DCT: variants seen among roughly 807,000 people sequenced by gnomAD.
The protein encoded by DCT is dopachrome tautomerase, also known as L-dopachrome tautomerase.
DCT carries 47 observed loss-of-function variants against 53.0 expected under a neutral mutation model. That is an observed-to-expected ratio of 0.89 (90% CI 0.70 to 1.13). The LOEUF (loss-of-function observed/expected upper bound fraction) is 1.13. Among genes scored for constraint, DCT ranks in the 50% most tolerant of loss-of-function variants. The pLI is 0.00. For missense variants in DCT, 669 were observed against 637.4 expected (o/e 1.05, Z -0.53); for synonymous variants, 244 against 237.0 (o/e 1.03, Z -0.27).
chr13:94,450,303 C>A (rs1339615441), intron 6 of DCT, among the ~76,000 whole-genome samples: 1 of 152,060 alleles, frequency 6.6e-6, no homozygotes, highest in Non-Finnish European at 1.5e-5. Context: ...GACTAGGACA[C>A]AACCACGGAA....
At chr13:94,476,469 CTTTTTTTTTTT>C (rs57154236) in intron 1 of DCT, among the ~76,000 whole-genome samples, 1 of 111,054 alleles carries the variant, frequency 9.0e-6, no homozygotes, top group African/African-American at 3.5e-5. Flanking sequence ...TTGGCACTTT[CTTTTTTTTTTT>C]TTTTTTTTTC....
the DCT span, among the ~76,000 whole-genome samples, chr13:94,532,428 T>C: frequency 2.0e-5 from 3 of 152,126 alleles, no homozygotes; most frequent in Non-Finnish European, 4.4e-5. Context: ...AAATGTGGCA[T>C]GTATACACCA....
intron 6 of DCT, among the ~76,000 whole-genome samples, chr13:94,446,532 A>G (rs1301830293): frequency 6.6e-6 from 1 of 152,212 alleles, no homozygotes; most frequent in Non-Finnish European, 1.5e-5. Context: ...AAAATGACAT[A>G]TTGAATCCTC....
intron 4 of DCT, among the ~76,000 whole-genome samples, chr13:94,463,004 A>C (rs542119647): frequency 6.6e-6 from 1 of 152,364 alleles, no homozygotes; most frequent in South Asian, 2.1e-4. Context: ...GTTCCAAGGT[A>C]GTAGAGTATC....
chr13:94,472,560 ATATATATATTTTTTTTTTTTTTTTTTTT>A (rs1566855393), intron 1 of DCT, among the ~76,000 whole-genome samples: 41 of 20,270 alleles, frequency 2.0e-3, no homozygotes, highest in Non-Finnish European at 2.6e-3. Flanking sequence ...ATATATATAT[ATATATATATTTTTTTTTTTTTTTTTTTT>A]TTTTTTTTTT....
At chr13:94,469,934 G>A (rs983190693) in intron 1 of DCT, among the ~76,000 whole-genome samples, 2 of 152,062 alleles carry the variant, frequency 1.3e-5, no homozygotes, top group East Asian at 1.9e-4. Flanking sequence ...AATTAGCGGG[G>A]CGTGGTGGTA....
chr13:94,441,161 G>T (rs1882282884), intron 7 of DCT, among the ~76,000 whole-genome samples: 1 of 152,090 alleles, frequency 6.6e-6, no homozygotes, highest in Admixed American at 6.5e-5. Flanking sequence ...GACCTGTCCT[G>T]ATGGGATTCC....
At chr13:94,500,433 A>G in the DCT span, among the ~76,000 whole-genome samples, 1 of 152,196 alleles carries the variant, frequency 6.6e-6, no homozygotes, top group African/African-American at 2.4e-5. Flanking sequence ...CCATGATTCA[A>G]TTATCTCCCA....
chr13:94,548,941 TTCTAAGTAGTTC>T, the DCT span, among the ~76,000 whole-genome samples: 2 of 151,418 alleles, frequency 1.3e-5, no homozygotes, highest in African/African-American at 4.8e-5. Context: ...GAATGTGCAT[TTCTAAGTAGTTC>T]TCAGGCGGTG....
At chr13:94,455,794 G>C (rs1883375802) in intron 6 of DCT, among the ~76,000 whole-genome samples, 1 of 152,198 alleles carries the variant, frequency 6.6e-6, no homozygotes, top group South Asian at 2.1e-4. Flanking sequence ...AGGAGAGAAA[G>C]AGTTGGGGTA....
the DCT span, among the ~76,000 whole-genome samples, chr13:94,510,903 C>T: frequency 6.6e-6 from 1 of 152,190 alleles, no homozygotes; most frequent in Non-Finnish European, 1.5e-5. Flanking sequence ...TTCCACTTCT[C>T]CACATCTTCC....
In DCT at chr13:94,479,075, A is replaced by G. The variant is rs372659354; in HGVS notation, c.181T>C (p.Cys61Arg). The change falls in exon 1 of 8, where the codon TGC becomes CGC. Residue 61 changes from cysteine (C) to arginine (R), a missense_variant. Physicochemically the swap from Cys to Arg is radical, Grantham distance 180 (BLOSUM62 -3). Transcript: ENST00000377028. ...VCGSQQGRGQCTEVRADTRPW... is the reference protein window; with the variant it reads ...VCGSQQGRGQRTEVRADTRPW... ...CTTGTGTCGGCTCGCACCTCTGTGCACTGCCCCCGGCCTTGCTGAGAGCCA... is the reference window on the plus strand; with the variant it reads ...CTTGTGTCGGCTCGCACCTCTGTGCGCTGCCCCCGGCCTTGCTGAGAGCCA... 1.3e-5 allele frequency: 21 copies of G among 1,614,254 alleles called. No homozygotes were observed. Among genetic ancestry groups the G allele is most frequent in the Middle Eastern group, 3.3e-4 (2 of 6,060 alleles).
intron 4 of DCT, 149 bp downstream of exon 4, chr13:94,465,484 C>T: frequency 3.7e-6 from 2 of 547,746 alleles, no homozygotes; most frequent in Non-Finnish European, 5.7e-6. Context: ...TTTTTGAAAT[C>T]CCACCTCCCA....
chr13:94,522,327 C>T, the DCT span, among the ~76,000 whole-genome samples: 5 of 152,140 alleles, frequency 3.3e-5, no homozygotes, highest in Non-Finnish European at 1.5e-5. Context: ...CTGACCTAGC[C>T]TCCCAGCCTA....
At chr13:94,501,906 C>T in the DCT span, among the ~76,000 whole-genome samples, 99 of 152,282 alleles carry the variant, frequency 6.5e-4, no homozygotes, top group South Asian at 0.014. Context: ...GCCCAAAGTT[C>T]GCTATCTTGT....
chr13:94,516,076 C>T, the DCT span, among the ~76,000 whole-genome samples: 2 of 138,252 alleles, frequency 1.4e-5, no homozygotes, highest in African/African-American at 2.7e-5. Context: ...AGGAGCTCCT[C>T]ACCTCTTATG....
At chr13:94,504,491 C>T in the DCT span, among the ~76,000 whole-genome samples, 2 of 152,284 alleles carry the variant, frequency 1.3e-5, no homozygotes, top group East Asian at 3.9e-4. Context: ...CCTCAGCCTC[C>T]TGAGTAGCTG....
At position 94,437,637 on chromosome 13, in the gene DCT, C is replaced by T. The variant is rs529106243; in HGVS notation, c.*2261G>A. 10 of 152,140 alleles carry T rather than the reference C, an allele frequency of 6.6e-5. No homozygotes were observed. The highest frequency in any genetic ancestry group is 2.1e-4 in the South Asian group (1 of 4,818). 9.4% of individuals were successfully genotyped at this position (152,140 alleles called of 1,614,324 possible). On this transcript the variant is annotated 3_prime_UTR_variant, in exon 8 of 8. Coordinates refer to ENST00000377028, the MANE Select transcript of DCT (RefSeq NM_001922.5). ...TCCCCCTATCATTGAGAAATATAGC[C>T]CACAGTATTTGGTGACATTTTCTGA...
the DCT span, among the ~76,000 whole-genome samples, chr13:94,547,984 AATAT>A: frequency 9.1e-3 from 598 of 65,812 alleles, 34 homozygotes; most frequent in East Asian, 0.018. Flanking sequence ...AAAAAAAAAA[AATAT>A]ATATATATAT....
Sources: allele counts gnomAD v4.1 joint callset (sites outside exome capture counted in the v4.1 genomes callset), GRCh38; gene constraint gnomAD v4.1.1; transcripts MANE v1.5; gene names NCBI Gene and HGNC (gene_info 2026-07-23, HGNC 2026-07-21).